EPB41L4A: variants seen among roughly 807,000 people sequenced by gnomAD.
The protein encoded by EPB41L4A is band 4.1-like protein 4A.
EPB41L4A carries 100 observed loss-of-function variants against 108.6 expected under a neutral mutation model. That is an observed-to-expected ratio of 0.92 (90% CI 0.78 to 1.09). EPB41L4A has a LOEUF of 1.09. EPB41L4A is among the 50% of genes least tolerant of loss of function. The pLI is 0.00. For missense variants in EPB41L4A, 1,030 were observed against 842.7 expected, an observed-to-expected ratio of 1.22 and a Z score of -2.75; for synonymous variants, 319 against 289.0, an observed-to-expected ratio of 1.10 and a Z score of -1.05.
chr5:112,404,898 G>C (rs1654289843), intron 1 of EPB41L4A, among the ~76,000 whole-genome samples: 1 of 152,234 alleles, frequency 6.6e-6, no homozygotes, highest in Non-Finnish European at 1.5e-5. Context: ...ATGGCCTTCA[G>C]AGACACAGTC....
At chr5:112,343,172 T>C (rs1561588887) in intron 1 of EPB41L4A, among the ~76,000 whole-genome samples, 1 of 152,218 alleles carries the variant, frequency 6.6e-6, no homozygotes, top group Non-Finnish European at 1.5e-5. Flanking sequence ...CATTAATTGA[T>C]TCCATTCTCC....
chr5:112,261,833 A>C (rs1409968624), intron 7 of EPB41L4A, among the ~76,000 whole-genome samples: 1 of 149,288 alleles, frequency 6.7e-6, no homozygotes, highest in Non-Finnish European at 1.5e-5. Flanking sequence ...CATAAAATCT[A>C]TTTTTTGAAA....
chr5:112,164,872 T>C lies in EPB41L4A; in HGVS notation c.*118A>G, dbSNP rs1760136268. 3 of 1,024,174 alleles carry C rather than the reference T, an allele frequency of 2.9e-6. No homozygotes were observed. The highest frequency in any genetic ancestry group is 1.7e-5 in the African/African-American group (1 of 60,298). The allele number at this position is 1,024,174 out of a possible 1,614,324, so 63.4% of individuals were successfully genotyped here. ...AAGAAGCAAAAGATAATGTATTTTC[T>C]CATGCTGAAGAAATACTTGCAGGTC... is the stretch of plus-strand genomic sequence containing the variant. On this transcript the variant is annotated 3_prime_UTR_variant, in exon 23 of 23. Transcript: ENST00000261486.
chr5:112,278,246 A>G (rs1296926605), intron 3 of EPB41L4A, among the ~76,000 whole-genome samples: 2 of 135,730 alleles, frequency 1.5e-5, no homozygotes, highest in South Asian at 2.6e-4. Context: ...TATTCTTACT[A>G]TACATCAATT....
chr5:112,159,686 C>G (rs1010005542), downstream of EPB41L4A, among the ~76,000 whole-genome samples: 1 of 152,160 alleles, frequency 6.6e-6, no homozygotes, highest in African/African-American at 2.4e-5. Flanking sequence ...GAGTTCACTT[C>G]CAGTCTTCCT....
At chr5:112,157,851 G>A (rs185763229), downstream of EPB41L4A, among the ~76,000 whole-genome samples, 1 of 152,188 alleles carries the variant, frequency 6.6e-6, no homozygotes, top group Non-Finnish European at 1.5e-5. Context: ...GGAAACCCAG[G>A]TTGCTTCACA....
At chr5:112,413,684 T>C (rs28582262) in intron 1 of EPB41L4A, among the ~76,000 whole-genome samples, 6 of 152,196 alleles carry the variant, frequency 3.9e-5, no homozygotes, top group African/African-American at 1.4e-4. Context: ...GCCTAGCAGA[T>C]GGGACACTTG....
intron 1 of EPB41L4A, among the ~76,000 whole-genome samples, chr5:112,338,459 A>G (rs920271491): frequency 1.3e-5 from 2 of 152,106 alleles, no homozygotes; most frequent in Non-Finnish European, 2.9e-5. Flanking sequence ...AACAAGCCCA[A>G]TACATGGTCA....
chr5:112,165,231 A>G (rs1164437150), intron 22 of EPB41L4A, 113 bp from the exon 23 acceptor site: 5 of 754,144 alleles, frequency 6.6e-6, no homozygotes, highest in Non-Finnish European at 1.1e-5. Flanking sequence ...AGTTAATTCA[A>G]AAGTTTCATA....
intron 12 of EPB41L4A, among the ~76,000 whole-genome samples, chr5:112,210,797 T>C (rs1266507133): frequency 6.6e-6 from 1 of 152,058 alleles, no homozygotes; most frequent in Non-Finnish European, 1.5e-5. Context: ...GGAGGCAGTT[T>C]AGATGATCAG....
chr5:112,307,589 G>T, intron 1 of EPB41L4A, 99 bp from the exon 2 acceptor site: 1 of 720,092 alleles, frequency 1.4e-6, no homozygotes, highest in Non-Finnish European at 2.3e-6. Context: ...ACTCACAATA[G>T]CAGCAATTGT....
At chr5:112,393,507 C>G (rs1334544110) in intron 1 of EPB41L4A, among the ~76,000 whole-genome samples, 2 of 152,092 alleles carry the variant, frequency 1.3e-5, no homozygotes, top group Non-Finnish European at 2.9e-5. Context: ...TGAATAAATC[C>G]CTGGACACAT....
At chr5:112,207,633 C>T (rs1762534023) in intron 13 of EPB41L4A, among the ~76,000 whole-genome samples, 1 of 150,248 alleles carries the variant, frequency 6.7e-6, no homozygotes, top group African/African-American at 2.5e-5. Context: ...GGCACTTTTC[C>T]AAAGAAGACA....
chr5:112,331,712 G>GC (rs1282955939), intron 1 of EPB41L4A, among the ~76,000 whole-genome samples: 3 of 152,134 alleles, frequency 2.0e-5, no homozygotes, highest in Non-Finnish European at 4.4e-5. Flanking sequence ...CAGGATCTTC[G>GC]CAAGTCCAGC....
intron 15 of EPB41L4A, among the ~76,000 whole-genome samples, chr5:112,198,392 C>A (rs1762064710): frequency 6.6e-6 from 1 of 152,104 alleles, no homozygotes; most frequent in Non-Finnish European, 1.5e-5. Flanking sequence ...CTCCCATATT[C>A]CCATGCCCCC....
At chr5:112,280,190 G>GC in intron 3 of EPB41L4A, 82 bp downstream of exon 3, 1 of 1,205,758 alleles carries the variant, frequency 8.3e-7, no homozygotes, top group South Asian at 1.2e-5. Flanking sequence ...CAGTACTAAA[G>GC]CCCACTTCTG....
At chr5:112,153,763 C>G (rs1228347587) in intron 12 of EPB41L4A, among the ~76,000 whole-genome samples, 1 of 151,240 alleles carries the variant, frequency 6.6e-6, no homozygotes, top group Non-Finnish European at 1.5e-5. Flanking sequence ...TATTATGGAA[C>G]ACAGCATACA....
chr5:112,342,672 G>A (rs951491520), intron 1 of EPB41L4A, among the ~76,000 whole-genome samples: 1 of 152,154 alleles, frequency 6.6e-6, no homozygotes, highest in Non-Finnish European at 1.5e-5. Context: ...ATGGCCACCT[G>A]GGTTGAAGAA....
chr5:112,364,093 C>G (rs953788895), intron 1 of EPB41L4A, among the ~76,000 whole-genome samples: 2 of 152,122 alleles, frequency 1.3e-5, no homozygotes, highest in African/African-American at 2.4e-5. Context: ...AGTGGCGCAA[C>G]CTCAGCTCAC....
Sources: gnomAD v4.1 joint callset for allele counts (sites outside exome capture counted in the v4.1 genomes callset) on GRCh38, gnomAD v4.1.1 for gene constraint, MANE v1.5 for transcripts, NCBI Gene and HGNC (gene_info 2026-07-23, HGNC 2026-07-21) for gene names.